Variants in CEP128 observed in about 807,000 individuals in gnomAD.
CEP128 encodes centrosomal protein 128kDa.
In CEP128, 132 loss-of-function variants were observed where a neutral mutation model predicts 156.7. The observed-to-expected ratio is 0.84, with a 90% CI of 0.73 to 0.97. The LOEUF (loss-of-function observed/expected upper bound fraction) is 0.97, where lower values mean the gene tolerates loss of function less well. CEP128 is among the 50% of genes least tolerant of loss of function. The pLI is 0.00. For missense variants in CEP128, 1,252 were observed against 1,281.9 expected (o/e 0.98, Z 0.36); for synonymous variants, 469 against 448.9 (o/e 1.04, Z -0.57).
At chr14:80,844,741 T>C (rs1210650130) in intron 9 of CEP128, among the ~76,000 whole-genome samples, 2 of 152,136 alleles carry the variant, frequency 1.3e-5, no homozygotes, top group African/African-American at 4.8e-5. Context: ...ATGGCCTAGA[T>C]GTGTTTTTTG....
chr14:80,894,237 G>GAAGA (rs767925334), intron 8 of CEP128, among the ~76,000 whole-genome samples: 46 of 151,966 alleles, frequency 3.0e-4, no homozygotes, highest in Non-Finnish European at 6.3e-4. Context: ...CAGAACTTCA[G>GAAGA]CAGTTTCCTT....
chr14:80,506,142 T>G (rs1228130413), intron 23 of CEP128, among the ~76,000 whole-genome samples: 1 of 151,934 alleles, frequency 6.6e-6, no homozygotes, highest in East Asian at 1.9e-4. Flanking sequence ...TGGTGGGGCA[T>G]GAGAAAGCAG....
chr14:80,641,633 G>T (rs1019091431), intron 19 of CEP128, among the ~76,000 whole-genome samples: 3 of 152,132 alleles, frequency 2.0e-5, no homozygotes, highest in Admixed American at 2.0e-4. Flanking sequence ...ATTTATGGCT[G>T]CTGAAAGAGT....
chr14:80,652,687 C>T (rs1166562194), intron 19 of CEP128, among the ~76,000 whole-genome samples: 2 of 152,098 alleles, frequency 1.3e-5, no homozygotes, highest in East Asian at 3.9e-4. Flanking sequence ...AGTCAGGAAA[C>T]AACAGATGCT....
intron 20 of CEP128, among the ~76,000 whole-genome samples, chr14:80,559,529 G>C (rs1314724153): frequency 6.6e-6 from 1 of 152,088 alleles, no homozygotes; most frequent in Non-Finnish European, 1.5e-5. Context: ...GAGTTTAAGA[G>C]TAAATGCTAC....
chr14:80,756,129 T>C (rs1037399153), intron 18 of CEP128, among the ~76,000 whole-genome samples: 7 of 152,174 alleles, frequency 4.6e-5, no homozygotes, highest in African/African-American at 1.7e-4. Context: ...GCAATATTAA[T>C]GCACAACAGA....
At chr14:80,538,019 C>T (rs144711469) in intron 21 of CEP128, among the ~76,000 whole-genome samples, 16 of 152,240 alleles carry the variant, frequency 1.1e-4, no homozygotes, top group African/African-American at 2.2e-4. Context: ...TATTATTCTA[C>T]GCCCACAGAA....
At chr14:80,506,290 A>G (rs546318377) in intron 23 of CEP128, among the ~76,000 whole-genome samples, 2 of 150,996 alleles carry the variant, frequency 1.3e-5, no homozygotes, top group East Asian at 3.9e-4. Flanking sequence ...AGCCTGGGGG[A>G]AGCGATTACA....
chr14:80,700,342 T>C (rs117098948), intron 19 of CEP128, among the ~76,000 whole-genome samples: 2 of 152,248 alleles, frequency 1.3e-5, no homozygotes, highest in South Asian at 2.1e-4. Context: ...TTAGCTGGGC[T>C]GGTCACTTAT....
intron 9 of CEP128, among the ~76,000 whole-genome samples, chr14:80,843,964 A>G (rs1886469827): frequency 6.6e-6 from 1 of 152,040 alleles, no homozygotes. Flanking sequence ...ATAATACAGC[A>G]GGATTTTATT....
downstream of CEP128, among the ~76,000 whole-genome samples, chr14:80,494,699 G>C (rs1811082606): frequency 6.6e-6 from 1 of 152,072 alleles, no homozygotes; most frequent in Non-Finnish European, 1.5e-5. Context: ...GAAAAATGAA[G>C]AAAAGTAGGT....
intron 13 of CEP128, among the ~76,000 whole-genome samples, chr14:80,819,190 T>A: frequency 6.6e-6 from 1 of 151,916 alleles, no homozygotes; most frequent in African/African-American, 2.4e-5. Flanking sequence ...CAACTTTCTT[T>A]ATATCCCCAT....
chr14:80,635,787 T>G (rs1894157299), intron 19 of CEP128, among the ~76,000 whole-genome samples: 1 of 152,164 alleles, frequency 6.6e-6, no homozygotes, highest in African/African-American at 2.4e-5. Flanking sequence ...ATCTGAACCT[T>G]TTTGAACACT....
chr14:80,484,154 T>C lies in CEP128; in HGVS notation c.*311-5747A>G, dbSNP rs1304639136. 5.9e-5 allele frequency among the ~76,000 whole-genome samples: 9 copies of C among 152,138 alleles called. 1 individual carries two copies. The highest frequency in any genetic ancestry group is 5.9e-4 in the Admixed American group (9 of 15,268). The stretch of plus-strand genomic sequence containing the variant: ...ACCATGCCCAACTAATTTTTGTATT[T>C]TTTATAGAGATGGAGTTTTTACCAA... On this transcript the variant is annotated intron_variant and NMD_transcript_variant, in intron 14 of 14. Coordinates refer to the CEP128 transcript ENST00000554502.
intron 2 of CEP128, among the ~76,000 whole-genome samples, chr14:80,935,727 A>G (rs1346593579): frequency 6.7e-6 from 1 of 149,798 alleles, no homozygotes; most frequent in Non-Finnish European, 1.5e-5. Flanking sequence ...AAAGAATACA[A>G]TAATGATGGT....
chr14:80,550,982 G>T (rs1229598056), intron 21 of CEP128, among the ~76,000 whole-genome samples: 2 of 151,962 alleles, frequency 1.3e-5, no homozygotes, highest in African/African-American at 4.8e-5. Flanking sequence ...TATTTCTATA[G>T]ATTTAATCAC....
intron 19 of CEP128, among the ~76,000 whole-genome samples, chr14:80,733,369 TG>T (rs1320759114): frequency 6.6e-6 from 1 of 151,696 alleles, no homozygotes; most frequent in African/African-American, 2.4e-5. Flanking sequence ...TGTGTGTGTG[TG>T]TGTGTGTGTG....
chr14:80,500,769 AC>A (rs1465243151), intron 24 of CEP128, among the ~76,000 whole-genome samples: 24 of 152,206 alleles, frequency 1.6e-4, no homozygotes, highest in African/African-American at 5.5e-4. Flanking sequence ...GACATTATCC[AC>A]ACCCACCCCC....
intron 19 of CEP128, among the ~76,000 whole-genome samples, chr14:80,728,873 T>C (rs553350089): frequency 1.4e-4 from 21 of 152,250 alleles, no homozygotes; most frequent in African/African-American, 5.1e-4. Flanking sequence ...ACATATTAAA[T>C]AGCTATATTT....
Sources: allele counts gnomAD v4.1 joint callset (sites outside exome capture counted in the v4.1 genomes callset), GRCh38; gene constraint gnomAD v4.1.1; transcripts MANE v1.5; gene names NCBI Gene and HGNC (gene_info 2026-07-23, HGNC 2026-07-21).